Variants in IPO11 observed in about 807,000 individuals in gnomAD.
The protein encoded by IPO11 is importin-11.
In IPO11, 66 loss-of-function variants were observed where a neutral mutation model predicts 143.2. The ratio of observed to expected loss-of-function variants is 0.46; its 90% CI spans 0.38 to 0.57. IPO11 has a LOEUF of 0.57. Ranked by LOEUF, IPO11 falls within the 20% of genes least tolerant of loss-of-function variation. The pLI is 0.00. For synonymous variants in IPO11, 385 were observed against 377.8 expected, an observed-to-expected ratio of 1.02 and a Z score of -0.22; for missense variants, 1,026 against 1,141.0, an observed-to-expected ratio of 0.90 and a Z score of 1.45.
At chr5:62,456,152 C>T (rs1745144377) in intron 5 of IPO11, among the ~76,000 whole-genome samples, 1 of 152,176 alleles carries the variant, frequency 6.6e-6, no homozygotes, top group South Asian at 2.1e-4. Flanking sequence ...GCTGGGTTTA[C>T]AGGTGCACGT....
At chr5:62,554,540 T>TC (rs1041478615) in intron 26 of IPO11, among the ~76,000 whole-genome samples, 6 of 152,192 alleles carry the variant, frequency 3.9e-5, no homozygotes, top group African/African-American at 1.4e-4. Flanking sequence ...AACTGTTTTT[T>TC]CCCCATAAAT....
intron 29 of IPO11, among the ~76,000 whole-genome samples, chr5:62,602,090 G>A (rs1156334626): frequency 6.6e-6 from 1 of 152,146 alleles, no homozygotes; most frequent in Non-Finnish European, 1.5e-5. Flanking sequence ...ATGATTTAGT[G>A]TTTTACTTAT....
chr5:62,453,303 T>C (rs1745010122), intron 5 of IPO11, among the ~76,000 whole-genome samples: 1 of 151,122 alleles, frequency 6.6e-6, no homozygotes, highest in Admixed American at 6.6e-5. Context: ...TAGACCTCCT[T>C]CTGACTTTTG....
In IPO11 at chr5:62,586,761, AAAAAAAAATATATATATAT is replaced by A. The variant is rs1181575199; in HGVS notation, c.2583-4814_2583-4796del. Among the ~76,000 whole-genome samples the A allele has an allele frequency of 1.2e-3, 120 of 98,916 alleles. 3 individuals are homozygous for A. Among genetic ancestry groups the A allele is most frequent in the African/African-American group, 4.2e-3 (113 of 26,756 alleles). 64.9% of individuals were successfully genotyped at this position (98,916 alleles called of 152,430 possible). On this transcript the variant is annotated intron_variant, in intron 27 of 29. Coordinates refer to ENST00000325324, the MANE Select transcript of IPO11 (RefSeq NM_016338.5). ...AGCAAAACTCAGTCTCCAAAAAAAA[AAAAAAAAATATATATATAT>A]ATATATATATATATATATATATTCA...
intron 5 of IPO11, among the ~76,000 whole-genome samples, chr5:62,453,861 G>A (rs1443011044): frequency 2.0e-5 from 3 of 152,146 alleles, no homozygotes; most frequent in Admixed American, 6.5e-5. Context: ...TTGGCTGGGT[G>A]CGGTGGCTCA....
Position 62,627,134 on chromosome 5 carries a change from C to T in IPO11, c.2764-20C>T, listed in dbSNP as rs1447447663. ...TTGTTTTGCTTTTTTGACAGTCTTGCTCCTCTCTGTATCCCACAGCTGGCC... is the reference window on the plus strand; with the variant it reads ...TTGTTTTGCTTTTTTGACAGTCTTGTTCCTCTCTGTATCCCACAGCTGGCC... On this transcript the variant is annotated intron_variant, in intron 29 of 29. Coordinates refer to ENST00000325324, the MANE Select transcript of IPO11 (RefSeq NM_016338.5). 4 of 1,604,476 alleles carry T rather than the reference C, an allele frequency of 2.5e-6. No homozygotes were observed. The African/African-American group carries it at 5.4e-5, about 21-fold the overall frequency.
At chr5:62,624,379 C>G (rs1000352146) in intron 29 of IPO11, among the ~76,000 whole-genome samples, 3 of 152,110 alleles carry the variant, frequency 2.0e-5, no homozygotes, top group African/African-American at 7.2e-5. Context: ...CTGGATGTTA[C>G]CCTATACGTT....
chr5:62,435,054 A>G (rs567231073), intron 1 of IPO11, among the ~76,000 whole-genome samples: 1 of 108,184 alleles, frequency 9.2e-6, no homozygotes, highest in Non-Finnish European at 1.9e-5. Flanking sequence ...ATATGTGTAT[A>G]TATATATGTA....
intron 13 of IPO11, among the ~76,000 whole-genome samples, chr5:62,488,420 A>G (rs1231736467): frequency 1.3e-5 from 2 of 151,926 alleles, no homozygotes; most frequent in Non-Finnish European, 2.9e-5. Context: ...TTCAGTAACT[A>G]TTGTTACTTG....
At chr5:62,598,114 T>C (rs1269437251) in intron 28 of IPO11, among the ~76,000 whole-genome samples, 1 of 152,204 alleles carries the variant, frequency 6.6e-6, no homozygotes, top group Non-Finnish European at 1.5e-5. Context: ...TGTCTTCTTA[T>C]GTCTAATTGG....
At chr5:62,593,974 T>C (rs1320438435) in intron 28 of IPO11, among the ~76,000 whole-genome samples, 1 of 152,212 alleles carries the variant, frequency 6.6e-6, no homozygotes, top group African/African-American at 2.4e-5. Flanking sequence ...AAACATAAAA[T>C]ACATACTTAT....
intron 6 of IPO11, among the ~76,000 whole-genome samples, chr5:62,468,589 T>C (rs1044186666): frequency 6.6e-6 from 1 of 152,348 alleles, no homozygotes; most frequent in Non-Finnish European, 1.5e-5. Flanking sequence ...GAAACTGATA[T>C]AAGGCTGTGT....
At chr5:62,566,057 T>C (rs761768418) in intron 27 of IPO11, among the ~76,000 whole-genome samples, 7 of 151,870 alleles carry the variant, frequency 4.6e-5, no homozygotes, top group Non-Finnish European at 4.4e-5. Context: ...GTTACATGTT[T>C]TCGTTATTGT....
chr5:62,483,612 T>C (rs1237855177), intron 10 of IPO11, among the ~76,000 whole-genome samples: 3 of 152,172 alleles, frequency 2.0e-5, no homozygotes, highest in Non-Finnish European at 4.4e-5. Flanking sequence ...TCTCTGACTT[T>C]ATATAAAGTG....
intron 28 of IPO11, among the ~76,000 whole-genome samples, chr5:62,597,695 G>A (rs1218326184): frequency 3.9e-5 from 6 of 152,150 alleles, no homozygotes; most frequent in African/African-American, 1.4e-4. Context: ...AGAAACTTTA[G>A]GCTAAATGTA....
intron 24 of IPO11, among the ~76,000 whole-genome samples, chr5:62,539,504 TTC>T (rs1742853201): frequency 6.6e-6 from 1 of 152,218 alleles, no homozygotes; most frequent in Non-Finnish European, 1.5e-5. Flanking sequence ...GCTTATTAGT[TTC>T]TTTTTTAGAG....
At chr5:62,417,866 T>C (rs1236334096) in intron 1 of IPO11, among the ~76,000 whole-genome samples, 1 of 152,216 alleles carries the variant, frequency 6.6e-6, no homozygotes, top group Non-Finnish European at 1.5e-5. Context: ...CTATGAGCCA[T>C]GCAGGCACCA....
At chr5:62,501,577 G>C (rs1741349895) in intron 16 of IPO11, among the ~76,000 whole-genome samples, 1 of 152,064 alleles carries the variant, frequency 6.6e-6, no homozygotes, top group South Asian at 2.1e-4. Context: ...CTTGATTCAG[G>C]AGGAGATGAA....
intron 27 of IPO11, among the ~76,000 whole-genome samples, chr5:62,567,366 T>TTA (rs1336463559): frequency 6.6e-6 from 1 of 151,840 alleles, no homozygotes; most frequent in East Asian, 1.9e-4. Context: ...AATTAGATTA[T>TTA]TATATATATG....
Sources: gnomAD v4.1 joint callset for allele counts (sites outside exome capture counted in the v4.1 genomes callset) on GRCh38, gnomAD v4.1.1 for gene constraint, MANE v1.5 for transcripts, NCBI Gene and HGNC (gene_info 2026-07-23, HGNC 2026-07-21) for gene names.